Variants in ACP4 observed in about 807,000 individuals in gnomAD.
ACP4 encodes the protein testicular acid phosphatase.
In ACP4, 49 loss-of-function variants were observed where a neutral mutation model predicts 47.3. The observed-to-expected ratio is 1.04, with a 90% CI of 0.82 to 1.32. The LOEUF (loss-of-function observed/expected upper bound fraction) is 1.32, where lower values mean the gene tolerates loss of function less well. Among genes scored for constraint, ACP4 ranks in the 40% most tolerant of loss-of-function variants. ACP4 has a pLI of 0.00. For synonymous variants in ACP4, 299 were observed against 265.3 expected, an observed-to-expected ratio of 1.13 and a Z score of -1.23; for missense variants, 594 against 579.3, an observed-to-expected ratio of 1.03 and a Z score of -0.26.
chr19:50,793,364 AAT>A, intron 6 of ACP4: 1 of 281,838 alleles, frequency 3.5e-6, no homozygotes, highest in Non-Finnish European at 6.7e-6. Context: ...AAAAAAAAAA[AAT>A]TAGCCAGGAA....
At chr19:50,794,299 G>C (rs62114343) in intron 8 of ACP4, among the ~76,000 whole-genome samples, 158 bp from the exon 9 acceptor site, 3 of 152,112 alleles carry the variant, frequency 2.0e-5, no homozygotes, top group African/African-American at 7.2e-5. Flanking sequence ...TTAAGTGGCC[G>C]CCTGCAAATG....
intron 1 of ACP4, 26 bp from the exon 2 acceptor site, chr19:50,790,568 C>A (rs1340263385): frequency 1.3e-6 from 2 of 1,544,228 alleles, no homozygotes; most frequent in African/African-American, 2.7e-5. Flanking sequence ...TCCCCCAGGG[C>A]TAGCCCTGAC....
rs1599909846 is a variant in ACP4 at position 50,790,876 on chromosome 19, C to T, written c.303+16C>T. ...GCGGGAGGAGGTAGGGCCATAGTGA[C>T]CCCCACCTGGCCCCCTGACCTCCCA... On this transcript the variant is annotated intron_variant, in intron 3 of 10. Coordinates refer to ENST00000270593, the MANE Select transcript of ACP4 (RefSeq NM_033068.3). The T allele has an allele frequency of 6.5e-7, 1 of 1,540,442 alleles. No individual in the cohort carries two copies. Among genetic ancestry groups the T allele is most frequent in the East Asian group, 2.5e-5 (1 of 40,814 alleles).
chr19:50,791,600 C>T (rs1410639746), intron 3 of ACP4, 56 bp from the exon 4 acceptor site: 7 of 1,575,114 alleles, frequency 4.4e-6, no homozygotes, highest in Non-Finnish European at 6.1e-6. Context: ...GCCACGACAG[C>T]TGACCTCTGT....
At position 50,790,812 on chromosome 19, in the gene ACP4, G is replaced by T. The variant is rs1254134743; in HGVS notation, c.255G>T (p.Leu85=). The change falls in exon 3 of 11, where the codon CTG becomes CTT. Residue 85 remains leucine, a synonymous_variant. Coordinates refer to ENST00000270593, the MANE Select transcript of ACP4 (RefSeq NM_033068.3). ...AGCAGCTGGAGCTGGGCCGCTTCCT[G>T]AGGAGCCGCTACGAGGCCTTCCTGA... ...VRQQLELGRF[L]RSRYEAFLSP... is the part of the protein sequence containing the mutation. 5.8e-6 allele frequency: 9 copies of T among 1,548,696 alleles called. No homozygotes were observed. The East Asian group carries it at 2.0e-4, about 34-fold the overall frequency.
chr19:50,794,734 T>C lies in ACP4; in HGVS notation c.987-52T>C, dbSNP rs555542552. 1.8e-4 allele frequency: 290 copies of C among 1,573,344 alleles called. 3 individuals carry two copies. The South Asian group carries it at 3.1e-3, about 17-fold the overall frequency. On this transcript the variant is annotated intron_variant, in intron 9 of 10. Coordinates refer to ENST00000270593, the MANE Select transcript of ACP4 (RefSeq NM_033068.3). Reference sequence around the variant, plus strand: ...GAGTCAGAAGCCCTTTTCTCCAGGCTTTAAGATCAATGACAGGAGGGAGGA... The same window carrying C: ...GAGTCAGAAGCCCTTTTCTCCAGGCCTTAAGATCAATGACAGGAGGGAGGA...
intron 6 of ACP4, chr19:50,793,157 C>T (rs988821940): frequency 6.3e-6 from 1 of 157,494 alleles, no homozygotes; most frequent in African/African-American, 2.4e-5. Flanking sequence ...TACCTCTGGC[C>T]CCAGGGGTTT....
At chr19:50,793,376 A>C in intron 6 of ACP4, 1 of 322,136 alleles carries the variant, frequency 3.1e-6, no homozygotes, top group Non-Finnish European at 5.7e-6. Context: ...TTAGCCAGGA[A>C]TGGTGGCACA....
chr19:50,791,919 C>T, intron 4 of ACP4, 117 bp downstream of exon 4: 5 of 1,460,784 alleles, frequency 3.4e-6, no homozygotes, highest in South Asian at 1.4e-5. Flanking sequence ...GCTGGTCTGT[C>T]CAGACCAGGG....
rs752612021 is a variant in ACP4, at chr19:50,792,121, C to T, written c.499C>T (p.Arg167Trp). The change falls in exon 5 of 11, where the codon CGG (arginine) becomes TGG (tryptophan). Residue 167 changes from arginine (R) to tryptophan (W), a missense_variant. Coordinates refer to ENST00000270593, the MANE Select transcript of ACP4 (RefSeq NM_033068.3). ...CTGTCCCCGATACCACGAGCTGCTG[C>T]GGGAGGCCACCGAGGCCGCCGAGTA... ...RSCPRYHELLREATEAAEYQE... is the reference protein window; with the variant it reads ...RSCPRYHELLWEATEAAEYQE... 5.0e-6 allele frequency: 8 copies of T among 1,606,482 alleles called. No individual in the cohort carries two copies. Among genetic ancestry groups the T allele is most frequent in the South Asian group, 4.4e-5 (4 of 90,468 alleles).
Position 50,791,768 on chromosome 19 carries a change from T to C in ACP4, c.416T>C (p.Ile139Thr). The C allele has an allele frequency of 6.2e-7, 1 of 1,612,174 alleles. No individual in the cohort carries two copies. The highest frequency in any genetic ancestry group is 8.5e-7 in the Non-Finnish European group (1 of 1,179,562). ...PGSPEARWRPIPVHTVPVAED... is the reference protein window; with the variant it reads ...PGSPEARWRPTPVHTVPVAED... ...AGCCCCGAGGCCCGCTGGAGGCCGA[T>C]CCCGGTGCACACGGTGCCCGTGGCT... The change falls in exon 4 of 11, where the codon ATC (isoleucine) becomes ACC (threonine). Residue 139 changes from isoleucine to threonine, a missense_variant. By Grantham distance (89) the Ile-to-Thr change is moderately conservative. Transcript: ENST00000270593.
rs778760582 is a variant in ACP4 at position 50,790,469 on chromosome 19, CTGCTGG to C, written c.61_66del (p.Val21_Leu22del). On this transcript the variant is annotated inframe_deletion, in exon 1 of 11. Coordinates refer to ENST00000270593, the MANE Select transcript of ACP4 (RefSeq NM_033068.3). ...TGCTGGACCTCTCCTGCTGCTGCTGCTGCTGGTGCTGCCACCCCGGGCCCTGCCAGA... is the reference window on the plus strand; with the variant it reads ...TGCTGGACCTCTCCTGCTGCTGCTGCTGCTGCCACCCCGGGCCCTGCCAGA... 6.4e-7 allele frequency: 1 copy of C among 1,572,306 alleles called. No individual in the cohort carries two copies. The highest frequency in any genetic ancestry group is 2.3e-5 in the East Asian group (1 of 43,098).
chr19:50,790,944 C>T (rs2089500005), intron 3 of ACP4, 84 bp downstream of exon 3: 2 of 1,351,092 alleles, frequency 1.5e-6, no homozygotes, highest in African/African-American at 1.5e-5. Context: ...TGGGCCTCCA[C>T]CTCTGGCCTT....
chr19:50,793,406 T>C, intron 6 of ACP4: 1 of 435,462 alleles, frequency 2.3e-6, no homozygotes, highest in Non-Finnish European at 4.1e-6. Context: ...TCACAGCTAC[T>C]TGGGAGGCTG....
Position 50,790,853 on chromosome 19 carries a change from GGGA to G in ACP4, c.302_303+1del. 1 of 1,547,496 alleles carries G rather than the reference GGGA, an allele frequency of 6.5e-7. No individual in the cohort carries two copies. Among genetic ancestry groups the G allele is most frequent in the Non-Finnish European group, 8.7e-7 (1 of 1,146,374 alleles). ...GCCTTCCTGAGTCCGGAGTACCGGC[GGGA>G]GGAGGTAGGGCCATAGTGACCCCCA... On this transcript the variant is annotated inframe_deletion, in exon 3 of 11. Coordinates refer to ENST00000270593, the MANE Select transcript of ACP4 (RefSeq NM_033068.3).
intron 3 of ACP4, 21 bp downstream of exon 3, chr19:50,790,881 A>T (rs916607166): frequency 6.5e-7 from 1 of 1,538,038 alleles, no homozygotes; most frequent in Non-Finnish European, 8.8e-7. Context: ...AGTGACCCCC[A>T]CCTGGCCCCC....
chr19:50,793,704 A>G lies in ACP4; in HGVS notation c.666A>G (p.Leu222=). 1.2e-6 allele frequency: 2 copies of G among 1,613,490 alleles called. No homozygotes were observed. Among genetic ancestry groups the G allele is most frequent in the Non-Finnish European group, 1.7e-6 (2 of 1,180,000 alleles). The change falls in exon 7 of 11, where the codon CTA becomes CTG. Residue 222 remains leucine, a synonymous_variant. Transcript: ENST00000270593. The part of the protein sequence containing the change: ...LMCQQAHGLP[L]PAWASPDVLR... ...CACAGCAAGCCCACGGTCTTCCACT[A>G]CCAGCCTGGGCCTCCCCAGATGTCC... is the stretch of plus-strand genomic sequence containing the variant.
chr19:50,794,013 G>A, intron 8 of ACP4, 43 bp downstream of exon 8: 3 of 1,607,854 alleles, frequency 1.9e-6, no homozygotes, highest in Non-Finnish European at 2.6e-6. Flanking sequence ...TGAGGCACAG[G>A]GATGAGGGTG....
chr19:50,794,687 A>C (rs266123), intron 9 of ACP4, 99 bp from the exon 10 acceptor site: 1 of 1,590,472 alleles, frequency 6.3e-7, no homozygotes, highest in East Asian at 2.2e-5. Context: ...GCATGGGATG[A>C]TGCTGGGAGG....
Sources: allele counts gnomAD v4.1 joint callset (sites outside exome capture counted in the v4.1 genomes callset), GRCh38; gene constraint gnomAD v4.1.1; transcripts MANE v1.5; gene names NCBI Gene and HGNC (gene_info 2026-07-23, HGNC 2026-07-21).